ELP4: variants seen among roughly 807,000 people sequenced by gnomAD.
ELP4 encodes elongator complex protein 4.
ELP4 carries 51 observed loss-of-function variants against 48.9 expected under a neutral mutation model. That is an observed-to-expected ratio of 1.04 (90% CI 0.83 to 1.32). The LOEUF is 1.32. Among genes scored for constraint, ELP4 ranks in the 40% most tolerant of loss-of-function variants. The probability of loss-of-function intolerance (pLI) is 0.00; values close to 1 mark genes in which losing one functional copy is unlikely to be tolerated. For missense variants in ELP4, 519 were observed against 514.6 expected, an observed-to-expected ratio of 1.01 and a Z score of -0.08; for synonymous variants, 210 against 189.2, an observed-to-expected ratio of 1.11 and a Z score of -0.90.
chr11:31,615,633 A>G (rs556744469), intron 5 of ELP4, among the ~76,000 whole-genome samples: 3 of 152,148 alleles, frequency 2.0e-5, no homozygotes, highest in Non-Finnish European at 2.9e-5. Flanking sequence ...TTCATTTAAG[A>G]AAAGTTTATT....
chr11:31,744,024 A>G (rs939773924), intron 9 of ELP4, among the ~76,000 whole-genome samples: 3 of 152,208 alleles, frequency 2.0e-5, no homozygotes, highest in Non-Finnish European at 4.4e-5. Flanking sequence ...AAGAGAGAAG[A>G]ATCAAATAGA....
At chr11:31,567,726 A>G (rs1440812735) in intron 3 of ELP4, among the ~76,000 whole-genome samples, 1 of 152,232 alleles carries the variant, frequency 6.6e-6, no homozygotes, top group African/African-American at 2.4e-5. Context: ...TTCCCAGTGC[A>G]TATAAAGTTA....
At chr11:31,676,823 A>G (rs1441960863) in intron 9 of ELP4, among the ~76,000 whole-genome samples, 1 of 152,016 alleles carries the variant, frequency 6.6e-6, no homozygotes, top group Non-Finnish European at 1.5e-5. Context: ...CCTGTAAGAG[A>G]CTCCAAAGGC....
chr11:31,564,647 C>T (rs538999298), intron 3 of ELP4, among the ~76,000 whole-genome samples: 55 of 152,226 alleles, frequency 3.6e-4, no homozygotes, highest in Middle Eastern at 6.8e-3. Flanking sequence ...TTTGTCCCTA[C>T]GATAGTTTGC....
At chr11:31,771,557 G>C (rs1441079517) in intron 9 of ELP4, among the ~76,000 whole-genome samples, 5 of 152,180 alleles carry the variant, frequency 3.3e-5, no homozygotes, top group Non-Finnish European at 7.3e-5. Context: ...CTCATTGACT[G>C]CTCCAGAAAA....
chr11:31,781,765 G>C (rs1948382954), intron 9 of ELP4, among the ~76,000 whole-genome samples: 1 of 151,952 alleles, frequency 6.6e-6, no homozygotes, highest in Non-Finnish European at 1.5e-5. Context: ...CCAAAGTGCT[G>C]GGATTACAGA....
intron 7 of ELP4, among the ~76,000 whole-genome samples, chr11:31,642,723 A>G (rs1442517287): frequency 6.6e-6 from 1 of 151,878 alleles, no homozygotes; most frequent in Admixed American, 6.6e-5. Context: ...TCAGTTTATT[A>G]CAAATATTCT....
intron 9 of ELP4, chr11:31,663,425 T>C (rs1272888749): frequency 6.6e-6 from 1 of 152,046 alleles, no homozygotes; most frequent in African/African-American, 2.4e-5. Flanking sequence ...AAATGTGATA[T>C]TGAGTTTTTT....
In ELP4 at chr11:31,650,155, G is replaced by C; in HGVS notation, c.1077G>C (p.Leu359Phe). The C allele has an allele frequency of 6.5e-7, 1 of 1,543,426 alleles. No individual in the cohort carries two copies. The highest frequency in any genetic ancestry group is 8.9e-7 in the Non-Finnish European group (1 of 1,122,384). Residue 359 changes from leucine to phenylalanine, a missense_variant, in exon 9 of 10, where the codon TTG (leucine) becomes TTC (phenylalanine). Leu to Phe is a conservative substitution (Grantham distance 22). Coordinates refer to ENST00000640961, the MANE Select transcript of ELP4 (RefSeq NM_019040.5). ...HIRQIPRLNN[L>F]ICDESDVKDL... Reference sequence around the variant, plus strand: ...GGCAGATTCCTCGGCTTAATAACTTGATCTGTGATGAATCAGATGTCAAAG... The same window carrying C: ...GGCAGATTCCTCGGCTTAATAACTTCATCTGTGATGAATCAGATGTCAAAG...
intron 2 of ELP4, 58 bp downstream of exon 2, chr11:31,520,149 C>T: frequency 7.1e-7 from 1 of 1,416,778 alleles, no homozygotes; most frequent in Non-Finnish European, 9.7e-7. Context: ...TGTGCATAAT[C>T]ATTTTATCCA....
At chr11:31,714,487 G>A in intron 9 of ELP4, 1 of 395,910 alleles carries the variant, frequency 2.5e-6, no homozygotes, top group East Asian at 3.6e-5. Flanking sequence ...TTACTTAACA[G>A]TTGTTTAAAA....
intron 3 of ELP4, among the ~76,000 whole-genome samples, chr11:31,579,720 G>A (rs956168016): frequency 1.3e-5 from 2 of 149,426 alleles, no homozygotes; most frequent in Non-Finnish European, 3.0e-5. Flanking sequence ...TCACTCATAG[G>A]TGGGAATTGA....
chr11:31,752,871 C>G (rs547336264), intron 9 of ELP4, among the ~76,000 whole-genome samples: 1 of 150,576 alleles, frequency 6.6e-6, no homozygotes, highest in African/African-American at 2.4e-5. Flanking sequence ...AAGAACAATA[C>G]CAAACTGTCC....
chr11:31,523,142 G>C (rs1393472820), intron 2 of ELP4, among the ~76,000 whole-genome samples: 3 of 151,956 alleles, frequency 2.0e-5, no homozygotes, highest in Non-Finnish European at 4.4e-5. Flanking sequence ...AGAGTGCTGG[G>C]ATGATTGGTG....
At position 31,518,475 on chromosome 11, in the gene ELP4, T is replaced by G. The variant is rs561006391; in HGVS notation, c.224-1581T>G. ...ATTATATATTTCACATATTTCATGA[T>G]TATATTACCATAGTTCAGATTTTTT... is the stretch of plus-strand genomic sequence containing the variant. On this transcript the variant is annotated intron_variant, in intron 1 of 9. Transcript: ENST00000640961. Among the ~76,000 whole-genome samples, 3 of 151,856 alleles carry G rather than the reference T, an allele frequency of 2.0e-5. No homozygotes were observed. The South Asian group carries it at 6.2e-4, about 32-fold the overall frequency.
At chr11:31,703,717 G>T (rs571275595) in intron 9 of ELP4, among the ~76,000 whole-genome samples, 11 of 152,186 alleles carry the variant, frequency 7.2e-5, no homozygotes, top group Middle Eastern at 3.4e-3. Context: ...TGATCTTGTG[G>T]CAGTATTTCA....
At chr11:31,623,354 A>AATATATATATATATATAT (rs779632233) in intron 5 of ELP4, among the ~76,000 whole-genome samples, 19 of 9,236 alleles carry the variant, frequency 2.1e-3, no homozygotes, top group Non-Finnish European at 5.9e-3. Flanking sequence ...ATTTTCAGCA[A>AATATATATATATATATAT]ATATATATAT....
chr11:31,576,767 G>A (rs1193519918), intron 3 of ELP4, among the ~76,000 whole-genome samples: 5 of 152,094 alleles, frequency 3.3e-5, no homozygotes, highest in East Asian at 1.9e-4. Context: ...CAACATACCA[G>A]AATCTCTGGG....
At chr11:31,511,816 A>G (rs1956015239) in intron 1 of ELP4, 1 of 152,208 alleles carries the variant, frequency 6.6e-6, no homozygotes, top group South Asian at 2.1e-4. Flanking sequence ...ACAAACTTGA[A>G]CAGTAATTTT....
Sources: gnomAD v4.1 joint callset for allele counts (sites outside exome capture counted in the v4.1 genomes callset) on GRCh38, gnomAD v4.1.1 for gene constraint, MANE v1.5 for transcripts, NCBI Gene and HGNC (gene_info 2026-07-23, HGNC 2026-07-21) for gene names.